The following CNTNAP5 variants were observed in gnomAD, a reference collection of about 807,000 sequenced individuals.
CNTNAP5 encodes the protein contactin-associated protein-like 5.
Under a neutral mutation model 150.2 loss-of-function variants are expected in CNTNAP5, and 72 were observed. That is an observed-to-expected ratio of 0.48 (90% CI 0.40 to 0.58). The LOEUF (loss-of-function observed/expected upper bound fraction) is 0.58. CNTNAP5 is among the 20% of genes least tolerant of loss of function. The pLI is 0.00. For synonymous variants in CNTNAP5, 672 were observed against 619.8 expected (o/e 1.08, Z -1.25); for missense variants, 1,636 against 1,626.2 (o/e 1.01, Z -0.10).
chr2:124,239,546 A>C (rs956290126), intron 2 of CNTNAP5, among the ~76,000 whole-genome samples: 1 of 152,204 alleles, frequency 6.6e-6, no homozygotes, highest in Non-Finnish European at 1.5e-5. Flanking sequence ...AGCTTATAAA[A>C]GAAGAAAATG....
In CNTNAP5 at chr2:124,902,915, C is replaced by T. The variant is rs771707516; in HGVS notation, c.3470C>T (p.Ala1157Val). The change falls in exon 22 of 24, where the codon GCA becomes GTA. Residue 1157 changes from alanine (A) to valine (V), a missense_variant. Transcript: ENST00000682447. ...GGTTTGGATTCTGAAGTTGCTAAAG[C>T]AAATGCCATGGGTTTTGCTGGATGC... ...NLGLDSEVAK[A>V]NAMGFAGCMS... 1.2e-6 allele frequency: 2 copies of T among 1,611,224 alleles called. No homozygotes were observed. The highest frequency in any genetic ancestry group is 1.7e-6 in the Non-Finnish European group (2 of 1,177,910).
intron 14 of CNTNAP5, among the ~76,000 whole-genome samples, chr2:124,761,909 C>T (rs79487376): frequency 2.8e-4 from 43 of 152,140 alleles, no homozygotes; most frequent in African/African-American, 1.0e-3. Flanking sequence ...GAAAAGATGC[C>T]AGAATGTGTA....
chr2:124,381,050 G>A (rs1690782408), intron 3 of CNTNAP5, among the ~76,000 whole-genome samples: 1 of 152,134 alleles, frequency 6.6e-6, no homozygotes, highest in Non-Finnish European at 1.5e-5. Context: ...CGCCATGGGT[G>A]GGGACCTGGG....
At chr2:124,702,489 G>A (rs1375694924) in intron 13 of CNTNAP5, among the ~76,000 whole-genome samples, 2 of 148,840 alleles carry the variant, frequency 1.3e-5, no homozygotes, top group Admixed American at 1.4e-4. Flanking sequence ...TAGGGATGTG[G>A]ACATTGCTTT....
chr2:124,770,715 G>T (rs1193344179), intron 16 of CNTNAP5, among the ~76,000 whole-genome samples: 2 of 152,078 alleles, frequency 1.3e-5, no homozygotes, highest in Non-Finnish European at 2.9e-5. Flanking sequence ...CTTCAATTCT[G>T]TTTCCTTTAA....
intron 13 of CNTNAP5, among the ~76,000 whole-genome samples, chr2:124,742,296 G>A (rs149808183): frequency 1.3e-5 from 2 of 152,210 alleles, no homozygotes; most frequent in Admixed American, 6.5e-5. Context: ...AAGAATTTAG[G>A]TCCATTAAAA....
intron 1 of CNTNAP5, among the ~76,000 whole-genome samples, chr2:124,180,479 T>C (rs1379361560): frequency 6.6e-6 from 1 of 152,110 alleles, no homozygotes; most frequent in African/African-American, 2.4e-5. Context: ...TGTTTCCTGT[T>C]TGCAATCTGA....
chr2:124,911,719 C>T (rs752650773), intron 23 of CNTNAP5, among the ~76,000 whole-genome samples, 181 bp downstream of exon 23: 4 of 152,116 alleles, frequency 2.6e-5, no homozygotes, highest in South Asian at 2.1e-4. Context: ...CACCCTCTGC[C>T]GACACCAGCA....
intron 12 of CNTNAP5, among the ~76,000 whole-genome samples, chr2:124,628,321 C>T (rs942573229): frequency 2.0e-5 from 3 of 152,016 alleles, no homozygotes; most frequent in Admixed American, 1.3e-4. Context: ...GAGAGAAAGG[C>T]CAAATCACAT....
chr2:124,452,400 A>G (rs557459204), intron 6 of CNTNAP5, among the ~76,000 whole-genome samples: 3 of 152,154 alleles, frequency 2.0e-5, no homozygotes, highest in East Asian at 1.9e-4. Flanking sequence ...CTGCCCAAGT[A>G]GAGTCTGAGT....
intron 11 of CNTNAP5, among the ~76,000 whole-genome samples, chr2:124,576,843 G>A (rs1287392496): frequency 1.3e-5 from 2 of 152,130 alleles, no homozygotes; most frequent in East Asian, 1.9e-4. Flanking sequence ...TGGATGCAGT[G>A]CCTATATAGG....
chr2:124,512,551 G>C (rs552075783), intron 8 of CNTNAP5, among the ~76,000 whole-genome samples: 1 of 152,138 alleles, frequency 6.6e-6, no homozygotes, highest in Non-Finnish European at 1.5e-5. Flanking sequence ...CCATGAAAAA[G>C]TGTCTATAGT....
At chr2:124,820,217 C>G (rs1682456308) in intron 19 of CNTNAP5, among the ~76,000 whole-genome samples, 1 of 152,064 alleles carries the variant, frequency 6.6e-6, no homozygotes, top group African/African-American at 2.4e-5. Flanking sequence ...GATGTGATGT[C>G]AAACATTTGA....
chr2:124,739,444 T>C (rs1214832385), intron 13 of CNTNAP5, among the ~76,000 whole-genome samples: 2 of 152,096 alleles, frequency 1.3e-5, no homozygotes, highest in African/African-American at 2.4e-5. Context: ...GTTGGCAGAG[T>C]CTTCTTTTCT....
intron 3 of CNTNAP5, among the ~76,000 whole-genome samples, chr2:124,279,692 T>C (rs780670846): frequency 2.6e-5 from 4 of 152,122 alleles, no homozygotes; most frequent in Non-Finnish European, 4.4e-5. Context: ...TAAAAAGTGC[T>C]ACCAATTACA....
chr2:124,463,788 C>T (rs1002413655), intron 6 of CNTNAP5, among the ~76,000 whole-genome samples: 33 of 152,134 alleles, frequency 2.2e-4, no homozygotes, highest in African/African-American at 8.0e-4. Flanking sequence ...GAAGGCTGCT[C>T]AGTGGAACCA....
At chr2:124,372,474 C>T (rs567642468) in intron 3 of CNTNAP5, among the ~76,000 whole-genome samples, 10 of 152,152 alleles carry the variant, frequency 6.6e-5, no homozygotes, top group South Asian at 2.1e-4. Context: ...CTGACTAATA[C>T]GGAAGGATTT....
intron 3 of CNTNAP5, among the ~76,000 whole-genome samples, chr2:124,387,246 G>T (rs140763961): frequency 6.6e-6 from 1 of 152,336 alleles, no homozygotes; most frequent in African/African-American, 2.4e-5. Context: ...TTCTGCTGGG[G>T]ATAGCAAAGC....
chr2:124,846,857 C>G (rs934614037), intron 19 of CNTNAP5, among the ~76,000 whole-genome samples: 1 of 152,172 alleles, frequency 6.6e-6, no homozygotes, highest in Admixed American at 6.6e-5. Context: ...GGTCTAGCCA[C>G]GCAGTAGAGC....
Sources: allele counts gnomAD v4.1 joint callset (sites outside exome capture counted in the v4.1 genomes callset), GRCh38; gene constraint gnomAD v4.1.1; transcripts MANE v1.5; gene names NCBI Gene and HGNC (gene_info 2026-07-23, HGNC 2026-07-21).